The following PAN3 variants were observed in gnomAD, a reference collection of about 807,000 sequenced individuals.
PAN3 encodes PAN2-PAN3 deadenylation complex subunit PAN3.
Under a neutral mutation model 96.2 loss-of-function variants are expected in PAN3, and 19 were observed. That is an observed-to-expected ratio of 0.20 (90% CI 0.14 to 0.29). The LOEUF (loss-of-function observed/expected upper bound fraction) is 0.29, where lower values mean the gene tolerates loss of function less well. PAN3 is among the 10% of genes least tolerant of loss of function. The pLI, the probability that PAN3 is intolerant of heterozygous loss-of-function variation, is 1.00. For synonymous variants in PAN3, 433 were observed against 406.6 expected (o/e 1.06, Z -0.78); for missense variants, 882 against 1,108.1 (o/e 0.80, Z 2.90).
chr13:28,174,825 C>G (rs1014213996), intron 2 of PAN3, among the ~76,000 whole-genome samples: 6 of 152,170 alleles, frequency 3.9e-5, no homozygotes, highest in African/African-American at 1.4e-4. Context: ...TTACAAGTTT[C>G]CTGTGTATCC....
chr13:28,158,057 A>G (rs1004044789), intron 1 of PAN3, among the ~76,000 whole-genome samples: 2 of 152,174 alleles, frequency 1.3e-5, no homozygotes, highest in Non-Finnish European at 2.9e-5. Flanking sequence ...ACCTACAACC[A>G]TCTGATCTTC....
chr13:28,152,815 G>C (rs1382418917), intron 1 of PAN3, among the ~76,000 whole-genome samples: 2 of 152,218 alleles, frequency 1.3e-5, no homozygotes, highest in Admixed American at 1.3e-4. Flanking sequence ...TTCCTAACAA[G>C]TGAATAAAAG....
chr13:28,174,031 G>A (rs1874636057), intron 1 of PAN3, among the ~76,000 whole-genome samples: 1 of 152,108 alleles, frequency 6.6e-6, no homozygotes, highest in Non-Finnish European at 1.5e-5. Context: ...TTGTGCCTGG[G>A]GGCTATTTGG....
chr13:28,278,657 C>T (rs1422304962), intron 15 of PAN3, among the ~76,000 whole-genome samples: 1 of 151,968 alleles, frequency 6.6e-6, no homozygotes, highest in Non-Finnish European at 1.5e-5. Flanking sequence ...GTATCGGGCC[C>T]TTTCAAACTG....
chr13:28,153,267 C>T (rs373482706), intron 1 of PAN3, among the ~76,000 whole-genome samples: 2 of 126,462 alleles, frequency 1.6e-5, no homozygotes, highest in African/African-American at 3.2e-5. Flanking sequence ...GACCGAGTCT[C>T]GCTCTGTTGC....
intron 1 of PAN3, among the ~76,000 whole-genome samples, chr13:28,165,105 A>G (rs1195620619): frequency 3.3e-5 from 5 of 152,048 alleles, no homozygotes; most frequent in Admixed American, 2.6e-4. Context: ...ACGGGGTTTC[A>G]CCATGTTGGT....
intron 6 of PAN3, among the ~76,000 whole-genome samples, chr13:28,226,148 C>T (rs928703982): frequency 2.0e-5 from 3 of 152,112 alleles, no homozygotes; most frequent in African/African-American, 7.2e-5. Flanking sequence ...TTTTAGGGCT[C>T]TACGTTAAGT....
chr13:28,188,091 T>C (rs932555991), intron 4 of PAN3, among the ~76,000 whole-genome samples: 2 of 152,234 alleles, frequency 1.3e-5, no homozygotes, highest in African/African-American at 4.8e-5. Context: ...ATGTGAAATA[T>C]CTCTTTTCAG....
Position 28,294,900 on chromosome 13 carries a change from G to C in PAN3, c.*2378G>C, listed in dbSNP as rs970305088. ...TTCAAAGAACTCTCAGTTCTGCCTA[G>C]GTGTTTTTGGGGGAGCCCTGTTTTC... On this transcript the variant is annotated 3_prime_UTR_variant, in exon 19 of 19. Transcript: ENST00000380958. 1.3e-5 allele frequency: 2 copies of C among 152,098 alleles called. No homozygotes were observed. Among genetic ancestry groups the C allele is most frequent in the African/African-American group, 4.8e-5 (2 of 41,406 alleles). 9.4% of individuals were successfully genotyped at this position (152,098 alleles called of 1,614,324 possible). A position where few individuals can be genotyped will look rare whatever the true frequency, so the allele number is the denominator to read the frequency against.
intron 1 of PAN3, among the ~76,000 whole-genome samples, chr13:28,161,028 T>C (rs1468550171): frequency 2.0e-5 from 3 of 152,252 alleles, no homozygotes; most frequent in Admixed American, 6.5e-5. Context: ...CAAATTGGTA[T>C]TTGTTATTTT....
intron 1 of PAN3, among the ~76,000 whole-genome samples, chr13:28,158,214 A>C (rs755502950): frequency 6.6e-6 from 1 of 152,210 alleles, no homozygotes; most frequent in Non-Finnish European, 1.5e-5. Context: ...TGGATTAAAG[A>C]CTTAAATGTA....
At chr13:28,195,036 T>A (rs541607510) in intron 4 of PAN3, among the ~76,000 whole-genome samples, 41 of 152,156 alleles carry the variant, frequency 2.7e-4, no homozygotes, top group Admixed American at 9.2e-4. Flanking sequence ...TAAAAAAAAA[T>A]GTTCCCTATG....
intron 17 of PAN3, among the ~76,000 whole-genome samples, chr13:28,287,268 C>T (rs1869105182): frequency 6.6e-6 from 1 of 152,106 alleles, no homozygotes; most frequent in African/African-American, 2.4e-5. Context: ...TTTCTGTAAT[C>T]ATTGTTTTTA....
At chr13:28,185,211 G>T (rs1055147612) in intron 4 of PAN3, among the ~76,000 whole-genome samples, 2 of 152,074 alleles carry the variant, frequency 1.3e-5, no homozygotes, top group African/African-American at 2.4e-5. Context: ...AGGCTTGAAT[G>T]TTCTTCCTGT....
At chr13:28,190,765 AATAGCACGGGG>A (rs1196238651) in intron 4 of PAN3, among the ~76,000 whole-genome samples, 1 of 152,174 alleles carries the variant, frequency 6.6e-6, no homozygotes, top group East Asian at 1.9e-4. Flanking sequence ...CTATCACGAG[AATAGCACGGGG>A]GAAACCACTC....
chr13:28,187,129 C>A (rs1162826010), intron 4 of PAN3, among the ~76,000 whole-genome samples: 1 of 151,944 alleles, frequency 6.6e-6, no homozygotes, highest in Non-Finnish European at 1.5e-5. Context: ...GAGTTTGAGA[C>A]CAGCCTGGGC....
chr13:28,222,628 G>T (rs986672217), intron 6 of PAN3, among the ~76,000 whole-genome samples: 1 of 152,096 alleles, frequency 6.6e-6, no homozygotes, highest in Admixed American at 6.5e-5. Context: ...AAAAACCATT[G>T]TACTCTCAGT....
At chr13:28,288,866 A>G (rs1482213950) in intron 18 of PAN3, among the ~76,000 whole-genome samples, 12 of 98,242 alleles carry the variant, frequency 1.2e-4, no homozygotes, top group South Asian at 3.2e-4. Context: ...AGTCTCTGTC[A>G]CCCAGGCTGG....
intron 6 of PAN3, among the ~76,000 whole-genome samples, chr13:28,251,710 T>C (rs2138561323): frequency 6.6e-6 from 1 of 152,310 alleles, no homozygotes; most frequent in East Asian, 1.9e-4. Flanking sequence ...CGGTTTTAGT[T>C]TCATTTTCTG....
Sources: allele counts gnomAD v4.1 joint callset (sites outside exome capture counted in the v4.1 genomes callset), GRCh38; gene constraint gnomAD v4.1.1; transcripts MANE v1.5; gene names NCBI Gene and HGNC (gene_info 2026-07-23, HGNC 2026-07-21).